The following DSE variants were observed in gnomAD, a reference collection of about 807,000 sequenced individuals.
The protein encoded by DSE is dermatan sulfate epimerase, also known as dermatan-sulfate epimerase.
DSE carries 36 observed loss-of-function variants against 84.4 expected under a neutral mutation model. The observed-to-expected ratio is 0.43, with a 90% CI of 0.33 to 0.56. The LOEUF (loss-of-function observed/expected upper bound fraction) is 0.56, where lower values mean the gene tolerates loss of function less well. Ranked by LOEUF, DSE falls within the 20% of genes least tolerant of loss-of-function variation. The pLI, the probability that DSE is intolerant of heterozygous loss-of-function variation, is 0.06. For synonymous variants in DSE, 410 were observed against 430.1 expected, an observed-to-expected ratio of 0.95 and a Z score of 0.58; for missense variants, 862 against 1,169.6, an observed-to-expected ratio of 0.74 and a Z score of 3.84.
At chr6:116,362,581 G>A (rs1184166465) in intron 2 of DSE, among the ~76,000 whole-genome samples, 3 of 152,196 alleles carry the variant, frequency 2.0e-5, no homozygotes, top group African/African-American at 7.2e-5. Flanking sequence ...ATCAGAAACA[G>A]AATTGGTTAG....
chr6:116,282,572 CTCT>C (rs1773607348), intron 2 of DSE, among the ~76,000 whole-genome samples: 1 of 152,192 alleles, frequency 6.6e-6, no homozygotes, highest in Non-Finnish European at 1.5e-5. Context: ...ACTCTTCCTT[CTCT>C]TCTTGTCGAA....
chr6:116,279,492 C>A (rs1259324233), intron 2 of DSE: 1 of 1,611,486 alleles, frequency 6.2e-7, no homozygotes, highest in African/African-American at 1.3e-5. Flanking sequence ...CTGCCATCAC[C>A]ACAGAAGCGG....
chr6:116,370,430 C>T, upstream of DSE: 1 of 986,176 alleles, frequency 1.0e-6, no homozygotes. Context: ...GAGAGTAAAA[C>T]CGAATTCGAG....
rs1320277661 is a variant in DSE, at chr6:116,441,503, A to G, written c.*4158A>G. The G allele has an allele frequency of 1.3e-5, 2 of 152,204 alleles. No individual in the cohort carries two copies. Among genetic ancestry groups the G allele is most frequent in the Non-Finnish European group, 2.9e-5 (2 of 68,036 alleles). The allele number at this position is 152,204 out of a possible 1,614,324, so 9.4% of individuals were successfully genotyped here. On this transcript the variant is annotated 3_prime_UTR_variant, in exon 6 of 6. Coordinates refer to ENST00000644252, the MANE Select transcript of DSE (RefSeq NM_013352.4). ...TACATATATTGTGTACTTGTTTACA[A>G]TAAGGTCTAAAACTGCCTACTAATG... is the stretch of plus-strand genomic sequence containing the variant.
At chr6:116,268,154 A>G (rs1048258389) in intron 2 of DSE, among the ~76,000 whole-genome samples, 2 of 152,210 alleles carry the variant, frequency 1.3e-5, no homozygotes, top group South Asian at 4.1e-4. Flanking sequence ...TAAGTGTCCT[A>G]TACAGGTATA....
chr6:116,342,846 C>T (rs1347429621), intron 2 of DSE, among the ~76,000 whole-genome samples: 2 of 152,104 alleles, frequency 1.3e-5, no homozygotes, highest in African/African-American at 4.8e-5. Context: ...CAGGGCGGGG[C>T]ATCGCCTTAC....
At chr6:116,299,571 CACAT>C (rs1774909453) in intron 2 of DSE, among the ~76,000 whole-genome samples, 4 of 107,472 alleles carry the variant, frequency 3.7e-5, no homozygotes, top group African/African-American at 6.5e-5. Flanking sequence ...CACACACACA[CACAT>C]ACATATATAT....
upstream of DSE, chr6:116,370,561 T>A: frequency 1.1e-6 from 1 of 943,868 alleles, no homozygotes; most frequent in Non-Finnish European, 1.3e-6. Context: ...CATCAGCTCC[T>A]CCCCCTGGGC....
chr6:116,281,612 G>A (rs966579709), intron 2 of DSE, among the ~76,000 whole-genome samples: 3 of 152,186 alleles, frequency 2.0e-5, no homozygotes, highest in Non-Finnish European at 4.4e-5. Context: ...CAAAATTAAA[G>A]CCTAAACATA....
chr6:116,419,559 G>A (rs1041776217), intron 2 of DSE, among the ~76,000 whole-genome samples: 15 of 152,198 alleles, frequency 9.9e-5, no homozygotes, highest in Admixed American at 7.9e-4. Flanking sequence ...TTTTAATGGT[G>A]TGCCCAAGTG....
At chr6:116,267,773 C>T (rs1026838590) in intron 2 of DSE, among the ~76,000 whole-genome samples, 6 of 151,954 alleles carry the variant, frequency 3.9e-5, no homozygotes, top group African/African-American at 1.5e-4. Flanking sequence ...CTGACAGTTC[C>T]GTATGCCTGA....
At chr6:116,275,050 GA>G (rs1773062877) in intron 2 of DSE, among the ~76,000 whole-genome samples, 1 of 152,020 alleles carries the variant, frequency 6.6e-6, no homozygotes. Context: ...CAATCAATAT[GA>G]AAAAAATTGA....
At chr6:116,362,726 C>T (rs1583092122) in intron 2 of DSE, among the ~76,000 whole-genome samples, 1 of 152,170 alleles carries the variant, frequency 6.6e-6, no homozygotes, top group East Asian at 1.9e-4. Flanking sequence ...AGCAGTGGTC[C>T]ATGGACCATA....
intron 2 of DSE, among the ~76,000 whole-genome samples, chr6:116,424,417 C>T (rs576104125): frequency 3.4e-4 from 52 of 152,312 alleles, no homozygotes; most frequent in African/African-American, 1.2e-3. Flanking sequence ...CTTTTTAGCA[C>T]CAAACACCGA....
chr6:116,323,207 A>T (rs1776429712), intron 2 of DSE, among the ~76,000 whole-genome samples: 1 of 152,228 alleles, frequency 6.6e-6, no homozygotes, highest in South Asian at 2.1e-4. Context: ...CCAGCTTTTA[A>T]ACAGATTTCT....
At chr6:116,354,067 C>T (rs746268194) in intron 2 of DSE, among the ~76,000 whole-genome samples, 14 of 152,100 alleles carry the variant, frequency 9.2e-5, no homozygotes, top group Non-Finnish European at 1.9e-4. Context: ...ACACCTATAT[C>T]TACAGCAATA....
chr6:116,308,423 CAG>C (rs983308142), intron 2 of DSE, among the ~76,000 whole-genome samples: 6 of 152,024 alleles, frequency 3.9e-5, no homozygotes, highest in Non-Finnish European at 7.4e-5. Flanking sequence ...GCTGTTTAGA[CAG>C]AAAATATTTG....
rs59889768 is a variant in DSE at position 116,316,826 on chromosome 6, C to CTACTAT, written c.-54+57861_-54+57862insCTATTA. Among the ~76,000 whole-genome samples, 14 of 145,864 alleles carry CTACTAT rather than the reference C, an allele frequency of 9.6e-5. No individual in the cohort carries two copies. The South Asian group carries it at 1.3e-3, about 14-fold the overall frequency. Reference sequence around the variant, plus strand: ...TCTTCTTCTACTACTACTACTACTACTATTATTATTATTATTATTATTATT... The same window carrying CTACTAT: ...TCTTCTTCTACTACTACTACTACTACTACTATTATTATTATTATTATTATTATTATT... On this transcript the variant is annotated intron_variant, in intron 2 of 3. Coordinates refer to the DSE transcript ENST00000430252.
intron 1 of DSE, among the ~76,000 whole-genome samples, chr6:116,380,449 G>C (rs1780156394): frequency 6.6e-6 from 1 of 152,088 alleles, no homozygotes; most frequent in East Asian, 1.9e-4. Context: ...AGAAGAGGGG[G>C]AATGAATTGG....
Sources: gnomAD v4.1 joint callset for allele counts (sites outside exome capture counted in the v4.1 genomes callset) on GRCh38, gnomAD v4.1.1 for gene constraint, MANE v1.5 for transcripts, NCBI Gene and HGNC (gene_info 2026-07-23, HGNC 2026-07-21) for gene names.